Variants in TMEM131 observed in about 807,000 individuals in gnomAD.
TMEM131 encodes 2610524E03Rik.
A neutral mutation model predicts 211.6 loss-of-function variants in TMEM131; 66 were observed. The ratio of observed to expected loss-of-function variants is 0.31; its 90% CI spans 0.26 to 0.38. The LOEUF is 0.38. Ranked by LOEUF, TMEM131 falls within the 10% of genes least tolerant of loss-of-function variation. The probability of loss-of-function intolerance (pLI) is 1.00; values close to 1 mark genes in which losing one functional copy is unlikely to be tolerated. For synonymous variants in TMEM131, 844 were observed against 841.3 expected, an observed-to-expected ratio of 1.00 and a Z score of -0.06; for missense variants, 2,036 against 2,299.3, an observed-to-expected ratio of 0.89 and a Z score of 2.34.
chr2:97,938,772 T>C, intron 1 of TMEM131, among the ~76,000 whole-genome samples: 1 of 152,160 alleles, frequency 6.6e-6, no homozygotes. Context: ...GACCACATAG[T>C]TGGAAGTAAA....
chr2:97,908,057 G>A (rs912363247), intron 3 of TMEM131, among the ~76,000 whole-genome samples: 3 of 152,120 alleles, frequency 2.0e-5, no homozygotes, highest in Non-Finnish European at 4.4e-5. Flanking sequence ...GACTTTCACC[G>A]CATATAGAAA....
At chr2:97,931,740 C>T (rs1677227710) in intron 1 of TMEM131, among the ~76,000 whole-genome samples, 1 of 152,110 alleles carries the variant, frequency 6.6e-6, no homozygotes, top group Non-Finnish European at 1.5e-5. Context: ...CTTTCTTCTA[C>T]AAAAACTAGG....
chr2:97,852,170 T>G (rs1340762756), intron 5 of TMEM131, among the ~76,000 whole-genome samples: 1 of 151,600 alleles, frequency 6.6e-6, no homozygotes, highest in East Asian at 1.9e-4. Context: ...TCTTTTTTTT[T>G]TTTTTTTTTT....
intron 1 of TMEM131, among the ~76,000 whole-genome samples, chr2:97,988,289 C>T (rs1680116243): frequency 1.3e-5 from 2 of 152,144 alleles, no homozygotes; most frequent in Admixed American, 6.5e-5. Context: ...CTTTATCTTA[C>T]ACCATAAATA....
chr2:97,898,453 AT>A (rs1197762897), intron 3 of TMEM131, among the ~76,000 whole-genome samples: 2 of 152,132 alleles, frequency 1.3e-5, no homozygotes, highest in Non-Finnish European at 1.5e-5. Flanking sequence ...TTAAGGTTAA[AT>A]GAGGTTATAA....
At position 97,760,825 on chromosome 2, in the gene TMEM131, G is replaced by A. The variant is rs1350024000; in HGVS notation, c.4979C>T (p.Ala1660Val). Residue 1660 changes from alanine (A) to valine (V), a missense_variant, in exon 37 of 41, where the codon GCT (alanine) becomes GTT (valine). By Grantham distance (64) the Ala-to-Val change is moderately conservative. Around this residue, in one of 3 missense-constraint regions of TMEM131, gnomAD observed 1,623 missense variants for 1,805.9 expected, o/e 0.90. Transcript: ENST00000186436. ...CTTGTCGTAGCCAGCCGTGACTGCA[G>A]CAAAAGTGGGGTTGCCGTTCTTGCC... ...LPGKNGNPTF[A>V]AVTAGYDKSP... 1 of 1,614,070 alleles carries A rather than the reference G, an allele frequency of 6.2e-7. No individual in the cohort carries two copies. Among genetic ancestry groups the A allele is most frequent in the Non-Finnish European group, 8.5e-7 (1 of 1,179,902 alleles).
intron 31 of TMEM131, among the ~76,000 whole-genome samples, chr2:97,789,432 C>G (rs1680397599): frequency 6.6e-6 from 1 of 152,240 alleles, no homozygotes; most frequent in African/African-American, 2.4e-5. Context: ...CAATAATAAC[C>G]ATGGCAGTAG....
chr2:97,838,073 T>C (rs1683013603), intron 7 of TMEM131, among the ~76,000 whole-genome samples: 1 of 152,238 alleles, frequency 6.6e-6, no homozygotes, highest in Non-Finnish European at 1.5e-5. Context: ...TTCTATTTGA[T>C]GACTATACCG....
At chr2:97,828,115 T>C (rs1330185384) in intron 11 of TMEM131, among the ~76,000 whole-genome samples, 2 of 152,178 alleles carry the variant, frequency 1.3e-5, no homozygotes, top group Non-Finnish European at 2.9e-5. Flanking sequence ...GTACGTGCTA[T>C]TGAGTTGTGA....
chr2:97,787,390 G>T (rs962307002), intron 31 of TMEM131, among the ~76,000 whole-genome samples: 3 of 152,302 alleles, frequency 2.0e-5, no homozygotes, highest in Admixed American at 1.3e-4. Flanking sequence ...GTGGTCCCAC[G>T]TTAGGCCCTG....
chr2:97,782,782 T>A (rs1161283762), intron 31 of TMEM131, among the ~76,000 whole-genome samples: 1 of 151,554 alleles, frequency 6.6e-6, no homozygotes, highest in African/African-American at 2.4e-5. Context: ...TTAGGAATTA[T>A]GAGAGAAAAT....
rs1440328678 is a variant in TMEM131, at chr2:97,995,735, G to A, written c.-73C>T. Reference sequence around the variant, plus strand: ...TCGGCGAGGCGGCGGCGGCGCGGAAGCCGTGGTCCGGGCTCTGGCCGCGGC... The same window carrying A: ...TCGGCGAGGCGGCGGCGGCGCGGAAACCGTGGTCCGGGCTCTGGCCGCGGC... On this transcript the variant is annotated 5_prime_UTR_variant, in exon 1 of 41. Coordinates refer to ENST00000186436, the MANE Select transcript of TMEM131 (RefSeq NM_015348.2). The A allele has an allele frequency of 9.1e-7, 1 of 1,102,770 alleles. No individual in the cohort carries two copies. The highest frequency in any genetic ancestry group is 1.7e-5 in the African/African-American group (1 of 60,592). 68.3% of individuals were successfully genotyped at this position (1,102,770 alleles called of 1,614,324 possible). A position where few individuals can be genotyped will look rare whatever the true frequency, so the allele number is the denominator to read the frequency against.
At chr2:97,959,724 CAT>C (rs1678734744) in intron 1 of TMEM131, among the ~76,000 whole-genome samples, 1 of 152,170 alleles carries the variant, frequency 6.6e-6, no homozygotes, top group Non-Finnish European at 1.5e-5. Context: ...TTAATACTGA[CAT>C]ATAACATTTA....
At chr2:97,905,658 T>C (rs1676038322) in intron 3 of TMEM131, among the ~76,000 whole-genome samples, 1 of 152,252 alleles carries the variant, frequency 6.6e-6, no homozygotes. Flanking sequence ...TTCTTAATCC[T>C]ATCCAGTGAA....
intron 5 of TMEM131, among the ~76,000 whole-genome samples, chr2:97,856,416 C>T (rs1342557805): frequency 6.6e-6 from 1 of 152,146 alleles, no homozygotes; most frequent in Non-Finnish European, 1.5e-5. Context: ...GTCTTAAAAT[C>T]AAAACCTTAA....
chr2:97,830,288 T>C (rs984150216), intron 11 of TMEM131, among the ~76,000 whole-genome samples: 19 of 152,204 alleles, frequency 1.2e-4, no homozygotes, highest in African/African-American at 4.3e-4. Context: ...CAACACCTTG[T>C]AGTAAGCATA....
intron 3 of TMEM131, among the ~76,000 whole-genome samples, chr2:97,891,981 C>T (rs952271375): frequency 2.6e-5 from 4 of 152,274 alleles, no homozygotes; most frequent in Middle Eastern, 6.8e-3. Context: ...ACCAGTAAAA[C>T]TATCAAAGTC....
At chr2:97,932,783 T>C (rs887800773) in intron 1 of TMEM131, among the ~76,000 whole-genome samples, 2 of 151,284 alleles carry the variant, frequency 1.3e-5, no homozygotes, top group African/African-American at 4.9e-5. Context: ...AACTAAGCTA[T>C]TACTGGAACT....
At chr2:97,776,978 T>C (rs1679768087) in intron 31 of TMEM131, among the ~76,000 whole-genome samples, 1 of 152,150 alleles carries the variant, frequency 6.6e-6, no homozygotes, top group African/African-American at 2.4e-5. Flanking sequence ...GAGAGTAAAA[T>C]GGACATACGG....
Sources: gnomAD v4.1 joint callset for allele counts (sites outside exome capture counted in the v4.1 genomes callset) on GRCh38, gnomAD v4.1.1 for gene constraint, gnomAD v4.1.1 regional missense constraint, MANE v1.5 for transcripts, NCBI Gene and HGNC (gene_info 2026-07-23, HGNC 2026-07-21) for gene names.